CNTN5: variants seen among roughly 807,000 people sequenced by gnomAD.
CNTN5 encodes contactin-5.
CNTN5 carries 77 observed loss-of-function variants against 129.1 expected under a neutral mutation model. The ratio of observed to expected loss-of-function variants is 0.60; its 90% CI spans 0.50 to 0.72. CNTN5 has a LOEUF of 0.72. Among genes scored for constraint, CNTN5 ranks in the 30% least tolerant of loss-of-function variants. The pLI, the probability that CNTN5 is intolerant of heterozygous loss-of-function variation, is 0.00. For missense variants in CNTN5, 1,478 were observed against 1,328.8 expected, an observed-to-expected ratio of 1.11 and a Z score of -1.75; for synonymous variants, 509 against 465.6, an observed-to-expected ratio of 1.09 and a Z score of -1.20.
At chr11:99,236,493 C>T (rs200612842) in intron 1 of CNTN5, among the ~76,000 whole-genome samples, 1 of 127,810 alleles carries the variant, frequency 7.8e-6, no homozygotes, top group Non-Finnish European at 1.7e-5. Flanking sequence ...CACACACACA[C>T]ACACAGAGAG....
chr11:99,293,717 T>A (rs748821464), intron 1 of CNTN5, among the ~76,000 whole-genome samples: 3 of 152,128 alleles, frequency 2.0e-5, no homozygotes, highest in Non-Finnish European at 2.9e-5. Context: ...CGGTTGTTCA[T>A]AATAGTCTCT....
intron 12 of CNTN5, among the ~76,000 whole-genome samples, chr11:100,073,206 C>A (rs1045193581): frequency 6.6e-6 from 1 of 151,794 alleles, no homozygotes; most frequent in Non-Finnish European, 1.5e-5. Context: ...ACAGCCACAC[C>A]CAGCTGATTT....
chr11:99,657,067 GA>G (rs35174748), intron 3 of CNTN5, among the ~76,000 whole-genome samples: 88,865 of 140,756 alleles, frequency 0.63, 27,682 homozygotes, highest in Middle Eastern at 0.71. Context: ...CAAAAAATAA[GA>G]AAAAAAAAAA....
chr11:99,202,865 C>T (rs538676202), intron 1 of CNTN5, among the ~76,000 whole-genome samples: 10 of 151,558 alleles, frequency 6.6e-5, no homozygotes, highest in African/African-American at 2.4e-4. Context: ...TCTAACTGCC[C>T]ATATGTTTGA....
rs141408293 is a variant in CNTN5, at chr11:99,991,743, GGTTTGTTT to G, written c.878-10274_878-10267del. On this transcript the variant is annotated intron_variant, in intron 8 of 24. Transcript: ENST00000524871. Reference sequence around the variant, plus strand: ...AGCTCCAGTGACTGTCAGACATGCAGGTTTGTTTGTTTGTTTGTTTGTTTCCACTCAAA... The same window carrying G: ...AGCTCCAGTGACTGTCAGACATGCAGGTTTGTTTGTTTGTTTCCACTCAAA... Among the ~76,000 whole-genome samples, 145 of 140,488 alleles carry G rather than the reference GGTTTGTTT, an allele frequency of 1.0e-3. 2 individuals are homozygous for G. Among genetic ancestry groups the G allele is most frequent in the African/African-American group, 3.7e-3 (132 of 35,434 alleles). The allele number at this position is 140,488 out of a possible 152,430, so 92.2% of individuals were successfully genotyped here.
chr11:99,665,546 C>T (rs971368250), intron 3 of CNTN5, among the ~76,000 whole-genome samples: 1 of 130,428 alleles, frequency 7.7e-6, no homozygotes, highest in Admixed American at 9.3e-5. Flanking sequence ...AGTGCAATGG[C>T]GTGATCTTGG....
At chr11:99,600,365 A>G (rs112885269) in intron 3 of CNTN5, among the ~76,000 whole-genome samples, 4,147 of 152,288 alleles carry the variant, frequency 0.027, 194 homozygotes, top group African/African-American at 0.094. Flanking sequence ...GTTGTGAGCT[A>G]ATGCAACTTA....
chr11:99,611,272 T>G (rs1187991455), intron 3 of CNTN5, among the ~76,000 whole-genome samples: 1 of 152,192 alleles, frequency 6.6e-6, no homozygotes, highest in African/African-American at 2.4e-5. Context: ...TACAGCATAG[T>G]GCATTTCAAT....
intron 1 of CNTN5, among the ~76,000 whole-genome samples, chr11:99,063,614 A>G (rs1372927686): frequency 5.3e-5 from 8 of 152,140 alleles, no homozygotes; most frequent in African/African-American, 1.4e-4. Context: ...TACACATTAA[A>G]GGAGTCATAA....
intron 1 of CNTN5, among the ~76,000 whole-genome samples, chr11:99,171,346 T>C (rs1861139953): frequency 1.3e-5 from 2 of 152,222 alleles, no homozygotes; most frequent in Admixed American, 6.5e-5. Flanking sequence ...TACAAAAGTT[T>C]TAACTGCCTA....
intron 3 of CNTN5, among the ~76,000 whole-genome samples, chr11:99,800,001 G>A (rs977841341): frequency 3.3e-5 from 5 of 151,896 alleles, no homozygotes; most frequent in African/African-American, 4.8e-5. Context: ...AGGAATTTAT[G>A]CATTCCCTCT....
chr11:99,395,710 A>G (rs1941485033), intron 2 of CNTN5, among the ~76,000 whole-genome samples: 1 of 151,598 alleles, frequency 6.6e-6, no homozygotes, highest in Non-Finnish European at 1.5e-5. Flanking sequence ...TCTCGAGTTG[A>G]TTTTTTGTAT....
intron 6 of CNTN5, among the ~76,000 whole-genome samples, chr11:99,873,518 T>C (rs1447099971): frequency 6.6e-6 from 1 of 152,100 alleles, no homozygotes; most frequent in East Asian, 1.9e-4. Context: ...TGTGATATCA[T>C]CTTAACACCA....
chr11:100,353,967 A>G (rs1212562634), intron 24 of CNTN5, among the ~76,000 whole-genome samples: 6 of 151,650 alleles, frequency 4.0e-5, no homozygotes. Flanking sequence ...AGAAGATTCC[A>G]GCAATTGGGT....
intron 17 of CNTN5, 34 bp from the exon 18 acceptor site, chr11:100,271,058 T>G: frequency 6.5e-7 from 1 of 1,549,636 alleles, no homozygotes; most frequent in Non-Finnish European, 8.7e-7. Flanking sequence ...TTTCTAGTCC[T>G]CATAATGACA....
chr11:99,826,921 C>T lies in CNTN5; in HGVS notation c.277+7156C>T, dbSNP rs180833060. ...GGGGGGGATCAGAAAGATGCTTTCA[C>T]ATTTATAAAGGAAAAAACTGATAAT... On this transcript the variant is annotated intron_variant, in intron 4 of 24. Coordinates refer to ENST00000524871, the MANE Select transcript of CNTN5 (RefSeq NM_014361.4). Among the ~76,000 whole-genome samples, 460 of 152,142 alleles carry T rather than the reference C, an allele frequency of 3.0e-3. 1 individual carries two copies. The highest frequency in any genetic ancestry group is 0.011 in the African/African-American group (439 of 41,508).
chr11:99,611,144 T>G (rs183402270), intron 3 of CNTN5, among the ~76,000 whole-genome samples: 1 of 152,332 alleles, frequency 6.6e-6, no homozygotes, highest in Non-Finnish European at 1.5e-5. Context: ...GTCATTTTCC[T>G]ATAGATGCTG....
intron 3 of CNTN5, among the ~76,000 whole-genome samples, chr11:99,732,990 C>T (rs1350994897): frequency 6.6e-6 from 1 of 151,998 alleles, no homozygotes; most frequent in Non-Finnish European, 1.5e-5. Context: ...ATTTTTTCAG[C>T]GTATGATGAA....
Position 99,981,117 on chromosome 11 carries a change from C to T in CNTN5, c.878-20917C>T, listed in dbSNP as rs7932479. On this transcript the variant is annotated intron_variant, in intron 8 of 24. Transcript: ENST00000524871. ...ATATATATATATACACACACACACA[C>T]ATATATGAAAGAGAATTGATTAGGG... Among the ~76,000 whole-genome samples the T allele has an allele frequency of 1.3e-3, 121 of 91,712 alleles. 2 individuals are homozygous for T. Among genetic ancestry groups the T allele is most frequent in the South Asian group, 3.6e-3 (8 of 2,244 alleles). The allele number at this position is 91,712 out of a possible 152,430, so 60.2% of individuals were successfully genotyped here. A position where few individuals can be genotyped will look rare whatever the true frequency, so the allele number is the denominator to read the frequency against.
Sources: gnomAD v4.1 joint callset for allele counts (sites outside exome capture counted in the v4.1 genomes callset) on GRCh38, gnomAD v4.1.1 for gene constraint, MANE v1.5 for transcripts, NCBI Gene and HGNC (gene_info 2026-07-23, HGNC 2026-07-21) for gene names.